Variants in SYNE2 observed in about 807,000 individuals in gnomAD.
SYNE2 encodes the protein nesprin-2.
A neutral mutation model predicts 856.3 loss-of-function variants in SYNE2; 431 were observed. That is an observed-to-expected ratio of 0.50 (90% CI 0.47 to 0.55). SYNE2 has a LOEUF of 0.55. SYNE2 is among the 20% of genes least tolerant of loss of function. The pLI is 0.00. For synonymous variants in SYNE2, 2,923 were observed against 2,872.3 expected, an observed-to-expected ratio of 1.02 and a Z score of -0.56; for missense variants, 8,129 against 8,023.2, an observed-to-expected ratio of 1.01 and a Z score of -0.50.
At position 64,049,795 on chromosome 14, in the gene SYNE2, T is replaced by C; in HGVS notation, c.7562T>C (p.Val2521Ala). 6.2e-7 allele frequency: 1 copy of C among 1,614,160 alleles called. No homozygotes were observed. Among genetic ancestry groups the C allele is most frequent in the Non-Finnish European group, 8.5e-7 (1 of 1,180,014 alleles). The stretch of plus-strand genomic sequence containing the variant: ...AAAAACAAAGAAAGCCAATATTGTG[T>C]CCTCAGAGATTTTCAGGAATACCTT... ...LKKNKESQYCVLRDFQEYLAA... is the reference protein window; with the variant it reads ...LKKNKESQYCALRDFQEYLAA... The change falls in exon 47 of 116, where the codon GTC becomes GCC. Residue 2521 changes from valine to alanine, a missense_variant. By Grantham distance (64) the Val-to-Ala change is moderately conservative. This residue lies in a region of SYNE2 where 5,410 missense variants were observed against 5,284.8 expected (regional missense o/e 1.02). Transcript: ENST00000555002.
intron 64 of SYNE2, among the ~76,000 whole-genome samples, chr14:64,104,593 G>A (rs1253550082): frequency 6.6e-6 from 1 of 152,030 alleles, no homozygotes; most frequent in Non-Finnish European, 1.5e-5. Flanking sequence ...GGGATTACAG[G>A]TGCCCGCCAC....
intron 96 of SYNE2, among the ~76,000 whole-genome samples, chr14:64,183,290 G>A (rs2098470228): frequency 6.6e-6 from 1 of 151,912 alleles, no homozygotes; most frequent in Admixed American, 6.5e-5. Context: ...GTGGCGGCCG[G>A]GCAGAGGCGC....
At chr14:64,177,608 G>A (rs552843296) in intron 96 of SYNE2, 125 bp downstream of exon 96, 15 of 1,278,506 alleles carry the variant, frequency 1.2e-5, no homozygotes, top group Admixed American at 3.5e-5. Flanking sequence ...ATATTTTCCC[G>A]ATCTGTCTAA....
At chr14:64,209,633 TG>T in intron 102 of SYNE2, 55 bp downstream of exon 102, 2 of 1,606,270 alleles carry the variant, frequency 1.2e-6, no homozygotes, top group Non-Finnish European at 8.5e-7. Flanking sequence ...GCAGCGAGCC[TG>T]GGGGCTGCTG....
At chr14:63,897,234 C>A (rs542750602) in intron 1 of SYNE2, among the ~76,000 whole-genome samples, 11 of 152,208 alleles carry the variant, frequency 7.2e-5, no homozygotes, top group African/African-American at 2.4e-4. Context: ...GCCTGGGCGA[C>A]AGAGTGAGAC....
At chr14:63,818,024 C>CAAAAAAAAAAAAAAAAAAAAA (rs34186501) in intron 1 of SYNE2, among the ~76,000 whole-genome samples, 1 of 64,774 alleles carries the variant, frequency 1.5e-5, no homozygotes, top group Non-Finnish European at 2.7e-5. Context: ...GACCCTTTCT[C>CAAAAAAAAAAAAAAAAAAAAA]AAAAAAAAAA....
At chr14:63,986,709 C>T (rs1266557706) in intron 19 of SYNE2, 92 bp downstream of exon 19, 1 of 1,327,358 alleles carries the variant, frequency 7.5e-7, no homozygotes, top group Non-Finnish European at 1.1e-6. Flanking sequence ...TAGTAATAAG[C>T]CTACAGTTTT....
intron 1 of SYNE2, among the ~76,000 whole-genome samples, chr14:63,817,663 T>C (rs1266302775): frequency 6.6e-6 from 1 of 152,088 alleles, no homozygotes; most frequent in Non-Finnish European, 1.5e-5. Context: ...AAAGAAAAAC[T>C]GTATGGTAAT....
chr14:64,132,632 A>G (rs1268878929), intron 77 of SYNE2, among the ~76,000 whole-genome samples, 194 bp downstream of exon 77: 1 of 152,214 alleles, frequency 6.6e-6, no homozygotes, highest in African/African-American at 2.4e-5. Flanking sequence ...TTTCTCATAC[A>G]TAGATTGGGG....
At position 64,122,435 on chromosome 14, in the gene SYNE2, T is replaced by G. The variant is rs1388641305; in HGVS notation, c.13422+8T>G. 6.2e-7 allele frequency: 1 copy of G among 1,614,198 alleles called. No individual in the cohort carries two copies. Among genetic ancestry groups the G allele is most frequent in the Admixed American group, 1.7e-5 (1 of 60,018 alleles). ...CAGCTTGTGGAGCCTCAGGTCAGTC[T>G]GTATCTACATGGTGCAAATAGCCTG... On this transcript the variant is annotated splice_region_variant and intron_variant, in intron 70 of 115. Transcript: ENST00000555002.
At chr14:63,926,807 C>G (rs557604450) in intron 2 of SYNE2, among the ~76,000 whole-genome samples, 1 of 152,236 alleles carries the variant, frequency 6.6e-6, no homozygotes, top group Non-Finnish European at 1.5e-5. Flanking sequence ...TCATTGATTA[C>G]AGATTGAGCT....
Position 64,097,954 on chromosome 14 carries a change from A to T in SYNE2, c.12114A>T (p.Glu4038Asp), listed in dbSNP as rs770983401. The change falls in exon 62 of 116, where the codon GAA becomes GAT. Residue 4038 changes from glutamate (E) to aspartate (D), a missense_variant. By Grantham distance (45) the Glu-to-Asp change is conservative (BLOSUM62 2). Transcript: ENST00000555002. ...CAAACACTCTTTCTACACAGGGAGA[A>T]ATCGAACGTATGGAGAAACAGATTC... is the stretch of plus-strand genomic sequence containing the variant. ...QADKLPQLQG[E>D]IERMEKQILS... 6.2e-7 allele frequency: 1 copy of T among 1,614,244 alleles called. No homozygotes were observed. The highest frequency in any genetic ancestry group is 2.2e-5 in the East Asian group (1 of 44,892).
intron 52 of SYNE2, 65 bp downstream of exon 52, chr14:64,070,975 C>A: frequency 6.4e-7 from 1 of 1,559,826 alleles, no homozygotes; most frequent in Non-Finnish European, 8.8e-7. Context: ...TTTAGAAAAT[C>A]TAAAAGTATA....
At chr14:64,215,533 A>C (rs1390660318) in intron 107 of SYNE2, 179 bp downstream of exon 107, 5 of 704,458 alleles carry the variant, frequency 7.1e-6, no homozygotes, top group Non-Finnish European at 5.0e-6. Context: ...TCCTTACAAA[A>C]CCCCATCCAA....
At chr14:64,006,703 G>T (rs768605638) in intron 30 of SYNE2, among the ~76,000 whole-genome samples, 1 of 151,970 alleles carries the variant, frequency 6.6e-6, no homozygotes, top group Non-Finnish European at 1.5e-5. Flanking sequence ...TGGTTCGCAC[G>T]TGTGGTACCA....
At chr14:63,902,601 G>A (rs2153329378) in intron 1 of SYNE2, among the ~76,000 whole-genome samples, 1 of 152,112 alleles carries the variant, frequency 6.6e-6, no homozygotes, top group South Asian at 2.1e-4. Context: ...AAAACACAGT[G>A]ATAGATTTCG....
At chr14:64,164,528 C>A (rs2098359024) in intron 89 of SYNE2, among the ~76,000 whole-genome samples, 1 of 152,318 alleles carries the variant, frequency 6.6e-6, no homozygotes, top group Middle Eastern at 3.4e-3. Flanking sequence ...GGATTACAAG[C>A]ATGAGCCACT....
intron 18 of SYNE2, among the ~76,000 whole-genome samples, chr14:63,985,837 C>A (rs984409760): frequency 6.6e-6 from 1 of 152,030 alleles, no homozygotes; most frequent in Non-Finnish European, 1.5e-5. Flanking sequence ...AGTGAGACCC[C>A]ATCTCTACAA....
chr14:64,144,898 T>G lies in SYNE2; in HGVS notation c.15483+950T>G, dbSNP rs1229843153. 4.0e-5 allele frequency among the ~76,000 whole-genome samples: 6 copies of G among 151,822 alleles called. 1 individual carries two copies. Among genetic ancestry groups the G allele is most frequent in the South Asian group, 4.2e-4 (2 of 4,806 alleles). ...GAATAGTTCATCGAATTATACTGTA[T>G]TAATTTGATGAAACATTGGGGCAGC... On this transcript the variant is annotated intron_variant, in intron 83 of 115. Transcript: ENST00000555002.
Sources: gnomAD v4.1 joint callset for allele counts (sites outside exome capture counted in the v4.1 genomes callset) on GRCh38, gnomAD v4.1.1 for gene constraint, gnomAD v4.1.1 regional missense constraint, MANE v1.5 for transcripts, NCBI Gene and HGNC (gene_info 2026-07-23, HGNC 2026-07-21) for gene names.